ALDH1A2: variants seen among roughly 807,000 people sequenced by gnomAD.
ALDH1A2 encodes the protein retinal dehydrogenase 2.
Under a neutral mutation model 60.3 loss-of-function variants are expected in ALDH1A2, and 27 were observed. The ratio of observed to expected loss-of-function variants is 0.45; its 90% CI spans 0.33 to 0.62. The LOEUF (loss-of-function observed/expected upper bound fraction) is 0.62, where lower values mean the gene tolerates loss of function less well. Among genes scored for constraint, ALDH1A2 ranks in the 20% least tolerant of loss-of-function variants. ALDH1A2 has a pLI of 0.02. For synonymous variants in ALDH1A2, 289 were observed against 232.4 expected (o/e 1.24, Z -2.21); for missense variants, 581 against 643.8 (o/e 0.90, Z 1.06).
intron 1 of ALDH1A2, among the ~76,000 whole-genome samples, chr15:58,054,549 A>G (rs1005278402): frequency 1.3e-5 from 2 of 152,148 alleles, no homozygotes; most frequent in Non-Finnish European, 2.9e-5. Flanking sequence ...ATGATTGCTC[A>G]TAAGAGACAA....
chr15:58,056,763 A>C (rs1896905012), intron 1 of ALDH1A2, among the ~76,000 whole-genome samples: 1 of 152,176 alleles, frequency 6.6e-6, no homozygotes, highest in South Asian at 2.1e-4. Flanking sequence ...GAGGAAAACC[A>C]AACGGCCAAC....
chr15:58,032,109 T>C (rs1896255931), intron 1 of ALDH1A2, among the ~76,000 whole-genome samples: 1 of 152,148 alleles, frequency 6.6e-6, no homozygotes, highest in Non-Finnish European at 1.5e-5. Context: ...CCAACCCAAA[T>C]GTCCAACAAT....
At chr15:57,979,010 G>C (rs1244631225) in intron 7 of ALDH1A2, among the ~76,000 whole-genome samples, 1 of 152,160 alleles carries the variant, frequency 6.6e-6, no homozygotes, top group Non-Finnish European at 1.5e-5. Flanking sequence ...ACTCCAGACT[G>C]GGCAACAACT....
chr15:58,018,440 G>A lies in ALDH1A2; in HGVS notation c.118-4159C>T, dbSNP rs1895841142. 2.6e-5 allele frequency among the ~76,000 whole-genome samples: 4 copies of A among 152,020 alleles called. No homozygotes were observed. The South Asian group carries it at 8.3e-4, about 31-fold the overall frequency. On this transcript the variant is annotated intron_variant, in intron 1 of 12. Transcript: ENST00000249750. ...TGATGGGATTAGATGATTATTATTT[G>A]TAAAATACCATAGTAATAACTGCTT...
intron 7 of ALDH1A2, among the ~76,000 whole-genome samples, chr15:57,968,691 A>G (rs1325212360): frequency 6.6e-6 from 1 of 152,244 alleles, no homozygotes; most frequent in Non-Finnish European, 1.5e-5. Context: ...AGGAAAAATC[A>G]TGAGTTTTAC....
chr15:57,993,036 G>A lies in ALDH1A2; in HGVS notation c.593C>T (p.Ala198Val), dbSNP rs754414994. 2 of 1,613,246 alleles carry A rather than the reference G, an allele frequency of 1.2e-6. No homozygotes were observed. The highest frequency in any genetic ancestry group is 1.7e-6 in the Non-Finnish European group (2 of 1,179,928). ...TGTATTGCCACAGCACAAAGCTGGA[G>A]CTATTTTCCAGGCAAACATCAGCAG... is the stretch of plus-strand genomic sequence containing the variant. ...FPLLMFAWKI[A>V]PALCCGNTVV... Residue 198 changes from alanine to valine, a missense_variant, in exon 6 of 13, where the codon GCT (alanine) becomes GTT (valine). Coordinates refer to ENST00000249750, the MANE Select transcript of ALDH1A2 (RefSeq NM_003888.4).
In ALDH1A2 at chr15:58,010,626, C is replaced by T. The variant is rs749757157; in HGVS notation, c.493+23G>A. ...TCTGGTGGTTTCACGTTTTCCTTTT[C>T]AACGTACTCAGATTTCACATACCTA... is the stretch of plus-strand genomic sequence containing the variant. On this transcript the variant is annotated intron_variant, in intron 4 of 12. Transcript: ENST00000249750. 4.3e-6 allele frequency: 7 copies of T among 1,611,108 alleles called. No homozygotes were observed. In the South Asian group the frequency reaches 7.7e-5, roughly 18 times the overall value.
intron 1 of ALDH1A2, among the ~76,000 whole-genome samples, chr15:58,030,257 T>C (rs1373476307): frequency 2.0e-5 from 3 of 152,104 alleles, no homozygotes; most frequent in African/African-American, 7.2e-5. Flanking sequence ...ATAAATATAA[T>C]CCATCGCATA....
intron 7 of ALDH1A2, among the ~76,000 whole-genome samples, chr15:57,984,933 C>A (rs761220852): frequency 1.3e-5 from 2 of 152,252 alleles, no homozygotes; most frequent in South Asian, 4.1e-4. Flanking sequence ...GATTTTTTTA[C>A]ATATATAAAA....
intron 1 of ALDH1A2, among the ~76,000 whole-genome samples, chr15:58,016,402 T>C (rs1895791180): frequency 1.3e-5 from 2 of 152,166 alleles, no homozygotes; most frequent in South Asian, 4.1e-4. Flanking sequence ...CCTCCCAAAG[T>C]GCTGGGATTA....
At chr15:58,014,428 C>G in intron 1 of ALDH1A2, 147 bp from the exon 2 acceptor site, 3 of 731,278 alleles carry the variant, frequency 4.1e-6, no homozygotes, top group South Asian at 1.5e-5. Context: ...CCCTTCTAGA[C>G]TCAACGCCAA....
At chr15:58,041,013 T>G (rs781603442) in intron 1 of ALDH1A2, among the ~76,000 whole-genome samples, 1 of 151,948 alleles carries the variant, frequency 6.6e-6, no homozygotes, top group Non-Finnish European at 1.5e-5. Context: ...GATACTAGTA[T>G]GTGAAACAGG....
chr15:58,009,643 A>G (rs1320940241), intron 4 of ALDH1A2, among the ~76,000 whole-genome samples: 3 of 150,982 alleles, frequency 2.0e-5, no homozygotes, highest in African/African-American at 7.3e-5. Context: ...ACCACTTACT[A>G]TCTCTTTCAG....
At chr15:58,013,589 T>C (rs1359774231) in intron 3 of ALDH1A2, among the ~76,000 whole-genome samples, 4 of 151,928 alleles carry the variant, frequency 2.6e-5, no homozygotes, top group Admixed American at 6.6e-5. Flanking sequence ...CCGTCTCTAC[T>C]AAAAATACAA....
chr15:58,061,247 A>T (rs1897025127), intron 1 of ALDH1A2, among the ~76,000 whole-genome samples: 1 of 151,980 alleles, frequency 6.6e-6, no homozygotes, highest in South Asian at 2.1e-4. Flanking sequence ...TGATACAAAC[A>T]CCAAAAAGCT....
chr15:58,048,726 T>A (rs1236811668), intron 1 of ALDH1A2, among the ~76,000 whole-genome samples: 1 of 152,004 alleles, frequency 6.6e-6, no homozygotes, highest in Non-Finnish European at 1.5e-5. Flanking sequence ...AATGTCCAAT[T>A]TTCCCAGTCT....
intron 7 of ALDH1A2, among the ~76,000 whole-genome samples, chr15:57,984,750 T>A (rs1219898326): frequency 6.6e-6 from 1 of 152,232 alleles, no homozygotes; most frequent in African/African-American, 2.4e-5. Flanking sequence ...TTTTTGTTAA[T>A]CCGCTTATCA....
chr15:57,975,676 T>C (rs1192424807), intron 7 of ALDH1A2, among the ~76,000 whole-genome samples: 1 of 152,312 alleles, frequency 6.6e-6, no homozygotes, highest in South Asian at 2.1e-4. Flanking sequence ...CGAATTGATA[T>C]GCACGACATA....
At chr15:58,017,079 T>C (rs1172828091) in intron 1 of ALDH1A2, among the ~76,000 whole-genome samples, 1 of 152,162 alleles carries the variant, frequency 6.6e-6, no homozygotes, top group African/African-American at 2.4e-5. Context: ...AGCAAAATCT[T>C]GGGCTATGAG....
Sources: gnomAD v4.1 joint callset for allele counts (sites outside exome capture counted in the v4.1 genomes callset) on GRCh38, gnomAD v4.1.1 for gene constraint, MANE v1.5 for transcripts, NCBI Gene and HGNC (gene_info 2026-07-23, HGNC 2026-07-21) for gene names.